Variants in NEMF observed in about 807,000 individuals in gnomAD.
NEMF encodes nuclear export mediator factor, also known as ribosome quality control complex subunit NEMF.
NEMF carries 89 observed loss-of-function variants against 162.2 expected under a neutral mutation model. That is an observed-to-expected ratio of 0.55 (90% CI 0.46 to 0.65). NEMF has a LOEUF of 0.65. NEMF is among the 30% of genes least tolerant of loss of function. The pLI is 0.00. For synonymous variants in NEMF, 421 were observed against 404.5 expected (o/e 1.04, Z -0.49); for missense variants, 1,133 against 1,261.9 (o/e 0.90, Z 1.55).
At chr14:49,802,781 GC>G in intron 20 of NEMF, 54 bp from the exon 21 acceptor site, 1 of 1,442,220 alleles carries the variant, frequency 6.9e-7, no homozygotes. Flanking sequence ...TCCATTTTTT[GC>G]TTGTAAAACA....
At position 49,831,912 on chromosome 14, in the gene NEMF, T is replaced by G. The variant is rs1054769332; in HGVS notation, c.882+139A>C. The G allele has an allele frequency of 5.0e-6, 3 of 603,398 alleles. 1 individual carries two copies. In the South Asian group the frequency reaches 7.0e-5, roughly 14 times the overall value. 37.4% of individuals were successfully genotyped at this position (603,398 alleles called of 1,614,324 possible). The stretch of plus-strand genomic sequence containing the variant: ...CAATTATTTCCAACAGCTGTATCTG[T>G]GACGACACTGATCTTTAATGCCCAG... On this transcript the variant is annotated intron_variant, in intron 10 of 32. Transcript: ENST00000298310.
chr14:49,783,096 C>CTAT lies in NEMF; in HGVS notation c.*1537_*1539dup. 1 of 690,494 alleles carries CTAT rather than the reference C, an allele frequency of 1.4e-6. No homozygotes were observed. 42.8% of individuals were successfully genotyped at this position (690,494 alleles called of 1,614,324 possible). ...TGTGCATGTGAATGGCCTAGAGAAC[C>CTAT]TATTTTTGTGTCTAAAGTTTACAAT... On this transcript the variant is annotated 3_prime_UTR_variant, in exon 33 of 33. Coordinates refer to ENST00000298310, the MANE Select transcript of NEMF (RefSeq NM_004713.6).
At chr14:49,799,806 G>T in intron 23 of NEMF, 128 bp from the exon 24 acceptor site, 1 of 738,084 alleles carries the variant, frequency 1.4e-6, no homozygotes, top group Non-Finnish European at 2.3e-6. Flanking sequence ...TTGGTGAAGT[G>T]AGAAAAACAT....
At chr14:49,807,652 A>G (rs1361922211) in intron 18 of NEMF, among the ~76,000 whole-genome samples, 1 of 143,204 alleles carries the variant, frequency 7.0e-6, no homozygotes, top group African/African-American at 2.6e-5. Flanking sequence ...GCTGGAGTGC[A>G]GTGGCGTGAT....
rs1298709702 is a variant in NEMF, at chr14:49,846,225, T to A, written c.272A>T (p.Lys91Ile). 1 of 1,613,782 alleles carries A rather than the reference T, an allele frequency of 6.2e-7. No homozygotes were observed. The highest frequency in any genetic ancestry group is 1.3e-5 in the African/African-American group (1 of 74,916). Reference protein sequence around the residue: ...HLKSRRLVSAKQLGVDRIVDF... With the variant: ...HLKSRRLVSAIQLGVDRIVDF... ...TACAATTCTATCCACACCAAGCTGT[T>A]TTGCACTGACTAATCTCCGACTCTT... The change falls in exon 4 of 33, where the codon AAA (lysine) becomes ATA (isoleucine). Residue 91 changes from lysine (K) to isoleucine (I), a missense_variant. Physicochemically the swap from Lys to Ile is moderately radical, Grantham distance 102. Around this residue, in one of 3 missense-constraint regions of NEMF, gnomAD observed 582 missense variants for 631.5 expected, o/e 0.92. Coordinates refer to ENST00000298310, the MANE Select transcript of NEMF (RefSeq NM_004713.6).
At chr14:49,839,495 G>C (rs1425212861) in intron 5 of NEMF, 1 of 152,258 alleles carries the variant, frequency 6.6e-6, no homozygotes, top group Non-Finnish European at 1.5e-5. Flanking sequence ...ATATGAGTCA[G>C]CAGGGCCTTC....
chr14:49,789,317 T>G lies in NEMF; in HGVS notation c.2724A>C (p.Lys908Asn), dbSNP rs976299077. The G allele has an allele frequency of 1.9e-6, 3 of 1,614,066 alleles. No homozygotes were observed. Among genetic ancestry groups the G allele is most frequent in the African/African-American group, 1.3e-5 (1 of 74,938 alleles). Residue 908 changes from lysine to asparagine, a missense_variant, in exon 28 of 33, where the codon AAA becomes AAC. This residue lies in a region of NEMF where 532 missense variants were observed against 578.6 expected (regional missense o/e 0.92). Coordinates refer to ENST00000298310, the MANE Select transcript of NEMF (RefSeq NM_004713.6). ...TTTTTCCTTTCTTCCCCTTCTTCCC[T>G]TTTTCTTCTTTGTTTGAACCTGCAG... The part of the protein sequence containing the change: ...LGSAGSNKEE[K>N]GKKGKKGKTK...
chr14:49,798,723 C>A (rs549946604), intron 25 of NEMF, among the ~76,000 whole-genome samples: 1 of 151,966 alleles, frequency 6.6e-6, no homozygotes, highest in African/African-American at 2.4e-5. Flanking sequence ...CTGGCTAACA[C>A]GGTGAAACCC....
At chr14:49,803,340 CTA>C (rs757033484) in intron 19 of NEMF, 46 bp from the exon 20 acceptor site, 25 of 1,356,220 alleles carry the variant, frequency 1.8e-5, no homozygotes, top group Admixed American at 9.3e-5. Flanking sequence ...AAAAAATACT[CTA>C]GTTTTCTTTT....
chr14:49,817,233 C>T (rs1331418171), intron 16 of NEMF, among the ~76,000 whole-genome samples: 1 of 152,012 alleles, frequency 6.6e-6, no homozygotes, highest in Admixed American at 6.6e-5. Context: ...ACTTGAGGTC[C>T]AGAGTTTGAG....
chr14:49,796,123 T>G (rs1294573172), intron 25 of NEMF, 179 bp from the exon 26 acceptor site: 2 of 616,922 alleles, frequency 3.2e-6, no homozygotes, highest in African/African-American at 3.7e-5. Flanking sequence ...GGGAAAAAGA[T>G]GCAAGTTTTT....
At chr14:49,852,543 A>C in intron 1 of NEMF, 152 bp downstream of exon 1, 1 of 773,892 alleles carries the variant, frequency 1.3e-6, no homozygotes, top group Non-Finnish European at 2.1e-6. Flanking sequence ...GTCACGGGAA[A>C]GACACCACAC....
intron 28 of NEMF, among the ~76,000 whole-genome samples, chr14:49,787,695 T>C (rs1400175957): frequency 6.6e-6 from 1 of 152,208 alleles, no homozygotes; most frequent in Non-Finnish European, 1.5e-5. Flanking sequence ...ATTTAGACCA[T>C]AGCACCTACT....
chr14:49,824,519 G>C (rs1192621081), intron 16 of NEMF, among the ~76,000 whole-genome samples: 1 of 143,028 alleles, frequency 7.0e-6, no homozygotes, highest in East Asian at 2.0e-4. Context: ...ACTCCAGCCT[G>C]GGCAATAAAA....
rs570989300 is a variant in NEMF, at chr14:49,782,879, T to C, written c.*1757A>G. On this transcript the variant is annotated 3_prime_UTR_variant, in exon 33 of 33. Transcript: ENST00000298310. ...CTTTAAAGAAATGTTAGCCAACTCA[T>C]GGAACTGCCTTCCAAAACACTTACT... is the stretch of plus-strand genomic sequence containing the variant. The C allele has an allele frequency of 1.4e-5, 23 of 1,613,910 alleles. No homozygotes were observed. Among genetic ancestry groups the C allele is most frequent in the East Asian group, 2.2e-5 (1 of 44,854 alleles).
At chr14:49,815,697 C>T (rs1891681810) in intron 16 of NEMF, among the ~76,000 whole-genome samples, 1 of 152,042 alleles carries the variant, frequency 6.6e-6, no homozygotes, top group Non-Finnish European at 1.5e-5. Flanking sequence ...GGACACGGTG[C>T]CTCACGCCTG....
At chr14:49,848,279 C>T (rs1893609260) in intron 3 of NEMF, among the ~76,000 whole-genome samples, 1 of 152,080 alleles carries the variant, frequency 6.6e-6, no homozygotes, top group African/African-American at 2.4e-5. Context: ...TTTATTAAAT[C>T]CCCTTCCTCC....
At chr14:49,795,167 G>C (rs1397318865) in intron 26 of NEMF, among the ~76,000 whole-genome samples, 1 of 151,788 alleles carries the variant, frequency 6.6e-6, no homozygotes, top group Non-Finnish European at 1.5e-5. Flanking sequence ...AGACCCCATC[G>C]TTACAAAAAA....
Position 49,799,620 on chromosome 14 carries a change from A to C in NEMF, c.2415+16T>G, listed in dbSNP as rs780856449. ...CTGAGAATCGGATGTTCTTCATAAA[A>C]CTGAAAATAGCTTACAGAATTAGAA... On this transcript the variant is annotated intron_variant, in intron 24 of 32. Transcript: ENST00000298310. 3.6e-5 allele frequency: 58 copies of C among 1,606,158 alleles called. No homozygotes were observed. The highest frequency in any genetic ancestry group is 4.8e-5 in the Non-Finnish European group (56 of 1,177,618).
Sources: allele counts gnomAD v4.1 joint callset (sites outside exome capture counted in the v4.1 genomes callset), GRCh38; gene constraint gnomAD v4.1.1; regional missense constraint gnomAD v4.1.1; transcripts MANE v1.5; gene names NCBI Gene and HGNC (gene_info 2026-07-23, HGNC 2026-07-21).